Variants in FAAH2 observed in about 807,000 individuals in gnomAD.
FAAH2 encodes the protein fatty acid amide hydrolase 2, also known as fatty-acid amide hydrolase 2.
In FAAH2, 60 loss-of-function variants were observed where a neutral mutation model predicts 36.9. The ratio of observed to expected loss-of-function variants is 1.63; its 90% CI spans 1.32 to 2.02. The LOEUF (loss-of-function observed/expected upper bound fraction) is 2.02. FAAH2 is among the 30% of genes most tolerant of loss of function. FAAH2 has a pLI of 0.00. For missense variants in FAAH2, 689 were observed against 397.5 expected, an observed-to-expected ratio of 1.73 and a Z score of -6.23; for synonymous variants, 214 against 143.8, an observed-to-expected ratio of 1.49 and a Z score of -3.49.
At chrX:57,177,013 TA>T in the FAAH2 span, among the ~76,000 whole-genome samples, 143 of 107,620 alleles carry the variant, frequency 1.3e-3, 1 homozygote, top group Non-Finnish European at 2.2e-3. Context: ...AGTTTGCACT[TA>T]AAAAAAAAAT....
chrX:57,154,645 A>G, the FAAH2 span, among the ~76,000 whole-genome samples: 1 of 110,871 alleles, frequency 9.0e-6, no homozygotes, highest in Non-Finnish European at 1.9e-5. Context: ...GATTAGCTTA[A>G]TAATCAACTT....
chrX:57,160,466 T>G, the FAAH2 span, among the ~76,000 whole-genome samples: 2 of 111,669 alleles, frequency 1.8e-5, no homozygotes, highest in African/African-American at 6.5e-5. Context: ...AATCTGTCTG[T>G]TCCTGGACAT....
At chrX:57,149,543 A>T in the FAAH2 span, among the ~76,000 whole-genome samples, 1 of 111,616 alleles carries the variant, frequency 9.0e-6, no homozygotes, top group Non-Finnish European at 1.9e-5. Context: ...GTTTATTTGC[A>T]TAGAGGTGTT....
chrX:57,290,198 C>CTTTTT, intron 1 of FAAH2: 1 of 555,438 alleles, frequency 1.8e-6, no homozygotes, highest in Non-Finnish European at 2.1e-6. Context: ...CTAACCCCTG[C>CTTTTT]TTTTTTTTTT....
At chrX:57,469,371 AC>A (rs1250286479) in intron 10 of FAAH2, among the ~76,000 whole-genome samples, 1 of 111,713 alleles carries the variant, frequency 9.0e-6, no homozygotes, top group Non-Finnish European at 1.9e-5. Flanking sequence ...ATGCAGAGAC[AC>A]ACATTGGCTC....
the FAAH2 span, among the ~76,000 whole-genome samples, chrX:57,145,478 T>C: frequency 8.9e-6 from 1 of 112,027 alleles, no homozygotes; most frequent in Admixed American, 9.5e-5. Context: ...GATGGATAGA[T>C]TGTAAAGATT....
the FAAH2 span, among the ~76,000 whole-genome samples, chrX:57,264,119 GA>G: frequency 2.7e-5 from 3 of 111,390 alleles, no homozygotes; most frequent in South Asian, 3.7e-4. Context: ...TAATATTTCA[GA>G]AAAAAATAGG....
intron 10 of FAAH2, among the ~76,000 whole-genome samples, chrX:57,473,742 G>T (rs903941097): frequency 1.8e-5 from 2 of 111,131 alleles, no homozygotes; most frequent in African/African-American, 6.5e-5. Context: ...TTCTTTTATT[G>T]GAGCTTTTCT....
At chrX:57,351,976 CT>C (rs1307856878) in intron 5 of FAAH2, among the ~76,000 whole-genome samples, 39 of 92,242 alleles carry the variant, frequency 4.2e-4, no homozygotes, top group Non-Finnish European at 6.6e-4. Flanking sequence ...GCCAGGATCA[CT>C]CTGATACCAA....
At chrX:57,125,043 T>G in the FAAH2 span, among the ~76,000 whole-genome samples, 1 of 112,604 alleles carries the variant, frequency 8.9e-6, no homozygotes, top group Non-Finnish European at 1.9e-5. Flanking sequence ...AACACTATGT[T>G]GAATAGAAGT....
chrX:57,163,835 G>A, the FAAH2 span, among the ~76,000 whole-genome samples: 14 of 112,356 alleles, frequency 1.2e-4, no homozygotes, highest in African/African-American at 3.9e-4. Context: ...CGTTGCTCAC[G>A]CTGGGAGCTG....
chrX:57,300,107 T>C (rs2052298663), intron 2 of FAAH2, among the ~76,000 whole-genome samples: 1 of 111,605 alleles, frequency 9.0e-6, no homozygotes, highest in Non-Finnish European at 1.9e-5. Flanking sequence ...AAAAAACTAC[T>C]TTAAAGTTCA....
intron 2 of FAAH2, among the ~76,000 whole-genome samples, chrX:57,293,190 G>A (rs1039104050): frequency 9.0e-6 from 1 of 110,998 alleles, no homozygotes; most frequent in African/African-American, 3.3e-5. Flanking sequence ...TTTTTGTCTT[G>A]TTTGCACGTC....
At chrX:57,148,884 C>T in the FAAH2 span, among the ~76,000 whole-genome samples, 5 of 111,379 alleles carry the variant, frequency 4.5e-5, no homozygotes, top group South Asian at 3.8e-4. Context: ...CAGTATGATA[C>T]TGGCTGTGGG....
chrX:57,424,014 A>G (rs1488689638), intron 7 of FAAH2, among the ~76,000 whole-genome samples: 1 of 111,544 alleles, frequency 9.0e-6, no homozygotes, highest in East Asian at 2.8e-4. Flanking sequence ...AGGAGATATG[A>G]TCTGTGTGAC....
chrX:57,393,748 G>A (rs941863648), intron 7 of FAAH2: 13 of 1,004,259 alleles, frequency 1.3e-5, no homozygotes, highest in African/African-American at 1.9e-5. Context: ...TAATTTCACT[G>A]GCCACAGAGA....
At chrX:57,350,487 A>T (rs2053970614) in intron 5 of FAAH2, among the ~76,000 whole-genome samples, 1 of 110,835 alleles carries the variant, frequency 9.0e-6, no homozygotes, top group African/African-American at 3.3e-5. Context: ...AGTTGACAAT[A>T]TGGCAGGAAG....
chrX:57,475,055 T>G (rs1422751546), intron 10 of FAAH2, among the ~76,000 whole-genome samples: 2 of 112,261 alleles, frequency 1.8e-5, no homozygotes, highest in Non-Finnish European at 3.8e-5. Context: ...TTTTGTATCT[T>G]TCTTGAAAAT....
intron 7 of FAAH2, among the ~76,000 whole-genome samples, chrX:57,405,312 G>A (rs1011112845): frequency 2.7e-5 from 3 of 111,135 alleles, no homozygotes; most frequent in African/African-American, 9.8e-5. Flanking sequence ...CAGATTCCAA[G>A]GAATGGAATG....
Sources: gnomAD v4.1 joint callset for allele counts (sites outside exome capture counted in the v4.1 genomes callset) on GRCh38, gnomAD v4.1.1 for gene constraint, MANE v1.5 for transcripts, NCBI Gene and HGNC (gene_info 2026-07-23, HGNC 2026-07-21) for gene names.